Variants in BAIAP2L1 observed in about 807,000 individuals in gnomAD.
BAIAP2L1 encodes the protein BAR/IMD domain containing adaptor protein 2 like 1.
In BAIAP2L1, 35 loss-of-function variants were observed where a neutral mutation model predicts 66.3. The observed-to-expected ratio is 0.53, with a 90% confidence interval of 0.40 to 0.70. The LOEUF (loss-of-function observed/expected upper bound fraction) is 0.70, where lower values mean the gene tolerates loss of function less well. Ranked by LOEUF, BAIAP2L1 falls within the 30% of genes least tolerant of loss-of-function variation. The probability of loss-of-function intolerance (pLI) is 0.00; values close to 1 mark genes in which losing one functional copy is unlikely to be tolerated. For synonymous variants in BAIAP2L1, 269 were observed against 248.7 expected (o/e 1.08, Z -0.77); for missense variants, 622 against 656.9 (o/e 0.95, Z 0.58).
At chr7:98,313,981 C>CTTT (rs1800978580) in intron 7 of BAIAP2L1, among the ~76,000 whole-genome samples, 1 of 120,064 alleles carries the variant, frequency 8.3e-6, no homozygotes, top group Non-Finnish European at 1.9e-5. Context: ...CCTTTTTCTT[C>CTTT]CTTTTTTTTT....
chr7:98,387,740 G>A (rs899548357), intron 1 of BAIAP2L1, among the ~76,000 whole-genome samples: 3 of 151,782 alleles, frequency 2.0e-5, no homozygotes, highest in South Asian at 2.1e-4. Context: ...GGTGGTGCAC[G>A]CCTGTAGTCC....
chr7:98,327,390 A>AAATG (rs1554414716), intron 3 of BAIAP2L1, among the ~76,000 whole-genome samples: 4 of 150,228 alleles, frequency 2.7e-5, no homozygotes, highest in Non-Finnish European at 5.9e-5. Context: ...ATAAATAAAT[A>AAATG]AAGCCAGGCG....
Position 98,313,836 on chromosome 7 carries a change from C to T in BAIAP2L1, c.640-1572G>A, listed in dbSNP as rs1800970625. 2.0e-5 allele frequency among the ~76,000 whole-genome samples: 3 copies of T among 150,668 alleles called. 1 individual carries two copies. In the South Asian group the frequency reaches 6.3e-4, roughly 32 times the overall value. Reference sequence around the variant, plus strand: ...GTAGAGATAGGGTCTCGCTATGCTGCCCAGGCTGGTCTGGAACTCCTGGGC... The same window carrying T: ...GTAGAGATAGGGTCTCGCTATGCTGTCCAGGCTGGTCTGGAACTCCTGGGC... On this transcript the variant is annotated intron_variant, in intron 7 of 13. Transcript: ENST00000005260.
rs149293735 is a variant in BAIAP2L1 at position 98,369,711 on chromosome 7, G to A, written c.52-7279C>T. 8.1e-3 allele frequency among the ~76,000 whole-genome samples: 993 copies of A among 122,220 alleles called. 5 individuals carry two copies. Among genetic ancestry groups the A allele is most frequent in the Middle Eastern group, 0.039 (7 of 180 alleles). The allele number at this position is 122,220 out of a possible 152,430, so 80.2% of individuals were successfully genotyped here. On this transcript the variant is annotated intron_variant, in intron 1 of 13. Transcript: ENST00000005260. ...TTTTGAGCTAGAGCTTTGCTCTGTC[G>A]CCCAGGCTGGAGTGCAATGGTGCCA... is the stretch of plus-strand genomic sequence containing the variant.
chr7:98,305,981 G>C (rs1800641597), intron 11 of BAIAP2L1, among the ~76,000 whole-genome samples: 1 of 152,198 alleles, frequency 6.6e-6, no homozygotes, highest in African/African-American at 2.4e-5. Flanking sequence ...GAACACTGAT[G>C]TTTAATTGAT....
intron 1 of BAIAP2L1, among the ~76,000 whole-genome samples, chr7:98,380,296 G>A (rs1269350013): frequency 6.6e-6 from 1 of 151,964 alleles, no homozygotes; most frequent in Non-Finnish European, 1.5e-5. Context: ...CAGTGTATCA[G>A]TCTGTTTTCA....
chr7:98,295,554 G>T (rs1321825980), intron 12 of BAIAP2L1, among the ~76,000 whole-genome samples: 4 of 152,124 alleles, frequency 2.6e-5, no homozygotes, highest in African/African-American at 9.7e-5. Flanking sequence ...ATGTGCTCAC[G>T]GTGCTGGCAT....
intron 2 of BAIAP2L1, among the ~76,000 whole-genome samples, chr7:98,357,329 G>C (rs868209212): frequency 1.3e-5 from 2 of 150,840 alleles, no homozygotes; most frequent in African/African-American, 4.8e-5. Flanking sequence ...AGTACTTTGG[G>C]AGGCTGAGGC....
intron 3 of BAIAP2L1, among the ~76,000 whole-genome samples, chr7:98,333,253 T>A (rs539492800): frequency 6.6e-6 from 1 of 152,148 alleles, no homozygotes; most frequent in African/African-American, 2.4e-5. Flanking sequence ...TTTCATTGAT[T>A]TATCCCCAGC....
chr7:98,356,808 C>T (rs1334955144), intron 2 of BAIAP2L1, among the ~76,000 whole-genome samples: 1 of 148,180 alleles, frequency 6.7e-6, no homozygotes, highest in Non-Finnish European at 1.5e-5. Flanking sequence ...GAGACCCCCC[C>T]ATATCTCTAC....
intron 3 of BAIAP2L1, among the ~76,000 whole-genome samples, chr7:98,322,213 C>T (rs1299478216): frequency 3.3e-5 from 5 of 152,076 alleles, no homozygotes; most frequent in Admixed American, 6.6e-5. Flanking sequence ...ACTATGGCCT[C>T]GGCTATGATC....
At chr7:98,352,960 G>A (rs75530627) in intron 3 of BAIAP2L1, among the ~76,000 whole-genome samples, 6,900 of 152,068 alleles carry the variant, frequency 0.045, 245 homozygotes, top group Non-Finnish European at 0.067. Flanking sequence ...ACACCAATAG[G>A]ATGTTTCTTT....
rs1271238524 is a variant in BAIAP2L1, at chr7:98,292,409, G to C, written c.*1112C>G. On this transcript the variant is annotated 3_prime_UTR_variant, in exon 14 of 14. Coordinates refer to ENST00000005260, the MANE Select transcript of BAIAP2L1 (RefSeq NM_018842.5). Reference sequence around the variant, plus strand: ...TTTTTAGTAGAGACTCCTGACCTCAGGTGATCCCCCTGCCTCGGCCTCACA... The same window carrying C: ...TTTTTAGTAGAGACTCCTGACCTCACGTGATCCCCCTGCCTCGGCCTCACA... The C allele has an allele frequency of 1.8e-6, 1 of 553,820 alleles. No homozygotes were observed. Among genetic ancestry groups the C allele is most frequent in the East Asian group, 3.0e-5 (1 of 32,916 alleles). The allele number at this position is 553,820 out of a possible 1,614,324, so 34.3% of individuals were successfully genotyped here. A position where few individuals can be genotyped will look rare whatever the true frequency, so the allele number is the denominator to read the frequency against.
Position 98,315,590 on chromosome 7 carries a change from C to T in BAIAP2L1, c.509G>A (p.Arg170His), listed in dbSNP as rs748817830. ...AATGAATTTCTGGATTTCACTCTGA[C>T]GAGAAGTAACGGTCTCCACATACTA... ...EIEYVETVTS[R>H]QSEIQKFIAD... is the part of the protein sequence containing the mutation. The change falls in exon 7 of 14, where the codon CGT becomes CAT. Residue 170 changes from arginine (R) to histidine (H), a missense_variant. Coordinates refer to ENST00000005260, the MANE Select transcript of BAIAP2L1 (RefSeq NM_018842.5). The T allele has an allele frequency of 1.4e-5, 20 of 1,453,584 alleles. No individual in the cohort carries two copies. The Admixed American group carries it at 1.8e-4, about 13-fold the overall frequency. The allele number at this position is 1,453,584 out of a possible 1,614,324, so 90.0% of individuals were successfully genotyped here.
At chr7:98,370,972 A>G (rs1362467406) in intron 1 of BAIAP2L1, among the ~76,000 whole-genome samples, 2 of 152,164 alleles carry the variant, frequency 1.3e-5, no homozygotes, top group African/African-American at 4.8e-5. Context: ...TGTGAATAGA[A>G]AGGGTCCCAC....
chr7:98,369,764 T>C (rs186851844), intron 1 of BAIAP2L1, among the ~76,000 whole-genome samples: 119 of 147,654 alleles, frequency 8.1e-4, no homozygotes, highest in Middle Eastern at 3.5e-3. Flanking sequence ...CTCCACCTCC[T>C]GGGTTCACGC....
In BAIAP2L1 at chr7:98,357,057, T is replaced by A. The variant is rs868514585; in HGVS notation, c.128-1929A>T. ...TATATATATATATATATATTTTTTT[T>A]TTTTTTTTTTTAAGAGTAGGGGTCT... On this transcript the variant is annotated intron_variant, in intron 2 of 13. Coordinates refer to ENST00000005260, the MANE Select transcript of BAIAP2L1 (RefSeq NM_018842.5). 1.7e-3 allele frequency among the ~76,000 whole-genome samples: 126 copies of A among 74,964 alleles called. 2 individuals are homozygous for A. The highest frequency in any genetic ancestry group is 4.6e-3 in the African/African-American group (84 of 18,362). The allele number at this position is 74,964 out of a possible 152,430, so 49.2% of individuals were successfully genotyped here. A position where few individuals can be genotyped will look rare whatever the true frequency, so the allele number is the denominator to read the frequency against.
chr7:98,324,848 C>G (rs917984573), intron 3 of BAIAP2L1, among the ~76,000 whole-genome samples: 4 of 152,156 alleles, frequency 2.6e-5, no homozygotes, highest in African/African-American at 9.7e-5. Context: ...TTAGAGGAAC[C>G]AGATGGAGAT....
intron 12 of BAIAP2L1, among the ~76,000 whole-genome samples, chr7:98,296,240 G>T (rs187576405): frequency 1.2e-4 from 19 of 152,240 alleles, no homozygotes; most frequent in Non-Finnish European, 1.2e-4. Context: ...CGTGGGGGCC[G>T]GGAACGTCCT....
Sources: allele counts gnomAD v4.1 joint callset (sites outside exome capture counted in the v4.1 genomes callset), GRCh38; gene constraint gnomAD v4.1.1; transcripts MANE v1.5; gene names NCBI Gene and HGNC (gene_info 2026-07-23, HGNC 2026-07-21).